GPR107: variants seen among roughly 807,000 people sequenced by gnomAD.
GPR107 encodes the protein G protein-coupled receptor 107.
A neutral mutation model predicts 75.5 loss-of-function variants in GPR107; 31 were observed. The ratio of observed to expected loss-of-function variants is 0.41; its 90% CI spans 0.31 to 0.55. The LOEUF (loss-of-function observed/expected upper bound fraction) is 0.55, where lower values mean the gene tolerates loss of function less well. Among genes scored for constraint, GPR107 ranks in the 20% least tolerant of loss-of-function variants. The pLI is 0.26. For synonymous variants in GPR107, 267 were observed against 251.3 expected (o/e 1.06, Z -0.59); for missense variants, 572 against 665.7 (o/e 0.86, Z 1.55).
intron 14 of GPR107, chr9:130,110,522 G>C (rs746370352): frequency 1.4e-6 from 1 of 729,074 alleles, no homozygotes; most frequent in African/African-American, 1.7e-5. Flanking sequence ...CTGAAAGAGG[G>C]ACAGAGCAGA....
At chr9:130,125,112 T>TTTC (rs386416333) in intron 15 of GPR107, 148 bp downstream of exon 15, 4 of 512,672 alleles carry the variant, frequency 7.8e-6, no homozygotes, top group South Asian at 2.9e-5. Flanking sequence ...TTTTTTTTTT[T>TTTC]TCTGGAGACG....
At chr9:130,086,020 G>A (rs1392220245) in intron 6 of GPR107, among the ~76,000 whole-genome samples, 1 of 152,054 alleles carries the variant, frequency 6.6e-6, no homozygotes, top group African/African-American at 2.4e-5. Context: ...CAATATGTTG[G>A]GATTACAGGC....
In GPR107 at chr9:130,136,894, G is replaced by C. The variant is rs1350288207; in HGVS notation, c.*1773G>C. The C allele has an allele frequency of 6.6e-6, 1 of 152,234 alleles. No homozygotes were observed. The highest frequency in any genetic ancestry group is 2.4e-5 in the African/African-American group (1 of 41,454). 9.4% of individuals were successfully genotyped at this position (152,234 alleles called of 1,614,324 possible). A position where few individuals can be genotyped will look rare whatever the true frequency, so the allele number is the denominator to read the frequency against. On this transcript the variant is annotated 3_prime_UTR_variant, in exon 18 of 18. Transcript: ENST00000347136. ...CATCCGTGTGTCTTCCCATCTTCAG[G>C]AGAAAGGTAAATGCACCCTAAGTGT...
At chr9:130,082,670 G>A (rs1176815759) in intron 5 of GPR107, among the ~76,000 whole-genome samples, 2 of 151,720 alleles carry the variant, frequency 1.3e-5, no homozygotes, top group Non-Finnish European at 2.9e-5. Context: ...TAGTAGAGAC[G>A]GGGTTTCACC....
chr9:130,067,744 A>T (rs1047003454), intron 1 of GPR107, among the ~76,000 whole-genome samples: 1 of 60,118 alleles, frequency 1.7e-5, no homozygotes, highest in Non-Finnish European at 3.1e-5. Flanking sequence ...GTCCCCCCCC[A>T]CCGCCCCCTT....
chr9:130,105,379 G>A (rs1354016522), intron 13 of GPR107, among the ~76,000 whole-genome samples: 2 of 151,836 alleles, frequency 1.3e-5, no homozygotes. Flanking sequence ...TCAGCCTCCT[G>A]AGTAGCTGGG....
intron 1 of GPR107, among the ~76,000 whole-genome samples, chr9:130,067,864 C>A (rs554978465): frequency 6.6e-6 from 1 of 150,870 alleles, no homozygotes; most frequent in South Asian, 2.1e-4. Flanking sequence ...CCTGCCCCAG[C>A]CTCCCAAGCA....
At position 130,139,888 on chromosome 9, in the gene GPR107, C is replaced by G. The variant is rs1235114710; in HGVS notation, c.*4767C>G. The G allele has an allele frequency of 2.6e-5, 4 of 152,182 alleles. No homozygotes were observed. The East Asian group carries it at 7.7e-4, about 29-fold the overall frequency. The allele number at this position is 152,182 out of a possible 1,614,324, so 9.4% of individuals were successfully genotyped here. On this transcript the variant is annotated 3_prime_UTR_variant, in exon 18 of 18. Transcript: ENST00000347136. ...TTTGCAGATCGTAAATTGCATTTGC[C>G]TAGTCGTGTGACCTCAAAAGAAGTC...
intron 5 of GPR107, among the ~76,000 whole-genome samples, chr9:130,080,423 C>A (rs1247435924): frequency 6.6e-6 from 1 of 151,950 alleles, no homozygotes; most frequent in Non-Finnish European, 1.5e-5. Context: ...GGGGTATTTT[C>A]TTTTCAAAAA....
chr9:130,070,417 C>T (rs529244826), intron 1 of GPR107, among the ~76,000 whole-genome samples: 1 of 152,284 alleles, frequency 6.6e-6, no homozygotes, highest in African/African-American at 2.4e-5. Context: ...TATTCTCCTG[C>T]CTCAGCCTCC....
intron 1 of GPR107, among the ~76,000 whole-genome samples, chr9:130,069,484 C>T (rs1055262815): frequency 6.6e-6 from 1 of 152,150 alleles, no homozygotes; most frequent in Non-Finnish European, 1.5e-5. Context: ...TATCCTCATG[C>T]TGCTTTGTCA....
chr9:130,111,898 G>T (rs1831312393), intron 14 of GPR107, among the ~76,000 whole-genome samples: 1 of 152,064 alleles, frequency 6.6e-6, no homozygotes. Context: ...CAGGTCCTCG[G>T]TCACTGAGAC....
At chr9:130,075,092 CTG>C (rs1830310411) in intron 1 of GPR107, among the ~76,000 whole-genome samples, 2 of 152,076 alleles carry the variant, frequency 1.3e-5, no homozygotes, top group Non-Finnish European at 2.9e-5. Flanking sequence ...TCTGCAGAAA[CTG>C]TTGATATCTT....
chr9:130,116,147 C>G (rs965279704), intron 14 of GPR107, among the ~76,000 whole-genome samples: 29 of 152,292 alleles, frequency 1.9e-4, no homozygotes, highest in African/African-American at 7.0e-4. Flanking sequence ...GCAGTCTTGT[C>G]TTGGACACAT....
intron 14 of GPR107, among the ~76,000 whole-genome samples, chr9:130,122,834 C>G (rs985123962): frequency 6.6e-6 from 1 of 152,134 alleles, no homozygotes; most frequent in Non-Finnish European, 1.5e-5. Context: ...AACCACATCT[C>G]TACTAAAAAT....
rs372464825 is a variant in GPR107, at chr9:130,137,552, G to C, written c.*2431G>C. The C allele has an allele frequency of 3.3e-5, 5 of 152,370 alleles. No individual in the cohort carries two copies. In the East Asian group the frequency reaches 7.7e-4, roughly 23 times the overall value. 9.4% of individuals were successfully genotyped at this position (152,370 alleles called of 1,614,324 possible). On this transcript the variant is annotated 3_prime_UTR_variant, in exon 18 of 18. Coordinates refer to ENST00000347136, the MANE Select transcript of GPR107 (RefSeq NM_020960.5). The stretch of plus-strand genomic sequence containing the variant: ...CAAGTCAGATTGATGATCAAGAAAA[G>C]TCAAAACCCCAGCCCAAGATTGGGA...
intron 1 of GPR107, among the ~76,000 whole-genome samples, chr9:130,068,728 C>A (rs1830128569): frequency 6.7e-6 from 1 of 150,084 alleles, no homozygotes. Context: ...GCAAATACAT[C>A]AAAACAGTAT....
intron 14 of GPR107, among the ~76,000 whole-genome samples, chr9:130,118,730 G>C (rs1412312816): frequency 1.3e-5 from 2 of 151,448 alleles, no homozygotes; most frequent in Admixed American, 6.6e-5. Flanking sequence ...CCCTAAGATG[G>C]GCAGGGGCAG....
intron 3 of GPR107, 34 bp downstream of exon 3, chr9:130,076,496 T>TCACCTG: frequency 7.5e-7 from 1 of 1,331,880 alleles, no homozygotes; most frequent in Non-Finnish European, 1.1e-6. Flanking sequence ...ATTCATCTCT[T>TCACCTG]CACCTGAGCC....
Sources: gnomAD v4.1 joint callset for allele counts (sites outside exome capture counted in the v4.1 genomes callset) on GRCh38, gnomAD v4.1.1 for gene constraint, MANE v1.5 for transcripts, NCBI Gene and HGNC (gene_info 2026-07-23, HGNC 2026-07-21) for gene names.